Variants in TXNDC11 observed in about 807,000 individuals in gnomAD.
TXNDC11 encodes the protein thioredoxin domain-containing protein 11.
Under a neutral mutation model 78.0 loss-of-function variants are expected in TXNDC11, and 68 were observed. The ratio of observed to expected loss-of-function variants is 0.87; its 90% CI spans 0.72 to 1.07. The LOEUF is 1.07. Among genes scored for constraint, TXNDC11 ranks in the 50% least tolerant of loss-of-function variants. The pLI, the probability that TXNDC11 is intolerant of heterozygous loss-of-function variation, is 0.00. For synonymous variants in TXNDC11, 571 were observed against 495.2 expected, an observed-to-expected ratio of 1.15 and a Z score of -2.03; for missense variants, 1,389 against 1,221.8, an observed-to-expected ratio of 1.14 and a Z score of -2.04.
chr16:11,697,650 G>A (rs565857926), intron 7 of TXNDC11, among the ~76,000 whole-genome samples: 2 of 152,320 alleles, frequency 1.3e-5, no homozygotes, highest in Non-Finnish European at 2.9e-5. Context: ...GAAACAAGGT[G>A]TCCCAACATC....
intron 5 of TXNDC11, among the ~76,000 whole-genome samples, chr16:11,709,406 C>G (rs1428842736): frequency 7.0e-6 from 1 of 143,874 alleles, no homozygotes; most frequent in Non-Finnish European, 1.5e-5. Flanking sequence ...CACCACCATG[C>G]GTAGCTAATT....
intron 5 of TXNDC11, among the ~76,000 whole-genome samples, chr16:11,713,977 T>C (rs1406926176): frequency 6.6e-6 from 1 of 152,074 alleles, no homozygotes; most frequent in Admixed American, 6.5e-5. Flanking sequence ...CATCCTTGCT[T>C]GTCAGTCCCT....
Position 11,718,109 on chromosome 16 carries a change from C to T in TXNDC11, c.793+3468G>A, listed in dbSNP as rs189795739. On this transcript the variant is annotated intron_variant, in intron 5 of 11. Coordinates refer to ENST00000283033, the MANE Select transcript of TXNDC11 (RefSeq NM_015914.7). ...GAACCCGATCTTATAACCCAAGCCT[C>T]GCATGCTGGGGGCCAGGAATAAGCT... Among the ~76,000 whole-genome samples, 39 of 152,296 alleles carry T rather than the reference C, an allele frequency of 2.6e-4. No individual in the cohort carries two copies. In the East Asian group the frequency reaches 7.1e-3, roughly 28 times the overall value.
chr16:11,692,216 C>G lies in TXNDC11; in HGVS notation c.1108-134G>C, dbSNP rs940119297. On this transcript the variant is annotated intron_variant, in intron 7 of 11. Coordinates refer to ENST00000283033, the MANE Select transcript of TXNDC11 (RefSeq NM_015914.7). ...GTTCAAAAATACTAAATGGAAAATT[C>G]CAGAAATAAACAAGTCGTAAGTTTT... 3 of 708,832 alleles carry G rather than the reference C, an allele frequency of 4.2e-6. No homozygotes were observed. The African/African-American group carries it at 5.4e-5, about 13-fold the overall frequency. 43.9% of individuals were successfully genotyped at this position (708,832 alleles called of 1,614,324 possible).
chr16:11,714,205 T>A (rs2051454479), intron 5 of TXNDC11, among the ~76,000 whole-genome samples: 4 of 152,132 alleles, frequency 2.6e-5, no homozygotes, highest in Admixed American at 2.6e-4. Context: ...GTATTTTTTG[T>A]AGAGACGGGG....
In TXNDC11 at chr16:11,679,522, G is replaced by A. The variant is rs543362633; in HGVS notation, c.2550C>T (p.Ser850=). Residue 850 remains serine, a synonymous_variant, in exon 12 of 12, where the codon AGC becomes AGT. Coordinates refer to ENST00000283033, the MANE Select transcript of TXNDC11 (RefSeq NM_015914.7). This position sits in a 1 kb window ranked among gnomAD's most constrained non-coding sequence, Gnocchi z 4.6. The stretch of plus-strand genomic sequence containing the variant: ...GCTGCTCACTGTGTGCGTGGAGCAG[G>A]CTGTGCTGCTCTTCCAGGGCCCGCT... ...QQQRALEEQH[S]LLHAHSEQLQ... is the part of the protein sequence containing the mutation. 3 of 1,613,290 alleles carry A rather than the reference G, an allele frequency of 1.9e-6. No individual in the cohort carries two copies. Among genetic ancestry groups the A allele is most frequent in the Middle Eastern group, 1.7e-4 (1 of 6,054 alleles).
chr16:11,679,407 T>G lies in TXNDC11; in HGVS notation c.2665A>C (p.Thr889Pro). 6.2e-7 allele frequency: 1 copy of G among 1,613,148 alleles called. No individual in the cohort carries two copies. The highest frequency in any genetic ancestry group is 8.5e-7 in the Non-Finnish European group (1 of 1,179,706). ...ELADASENLL[T>P]ENTWLKILVA... is the part of the protein sequence containing the mutation. Reference sequence around the variant, plus strand: ...AGGATCTTGAGCCACGTGTTCTCGGTAAGGAGGTTTTCTGAGGCATCGGCC... The same window carrying G: ...AGGATCTTGAGCCACGTGTTCTCGGGAAGGAGGTTTTCTGAGGCATCGGCC... Residue 889 changes from threonine (T) to proline (P), a missense_variant, in exon 12 of 12, where the codon ACC becomes CCC. Coordinates refer to ENST00000283033, the MANE Select transcript of TXNDC11 (RefSeq NM_015914.7). The surrounding 1 kb of genome is among the most constrained non-coding windows in gnomAD (Gnocchi z 4.6).
intron 11 of TXNDC11, among the ~76,000 whole-genome samples, chr16:11,682,464 A>T (rs1248488258): frequency 6.6e-6 from 1 of 152,220 alleles, no homozygotes; most frequent in East Asian, 1.9e-4. Context: ...AGGCAGCCTA[A>T]GAACGAAGGT....
chr16:11,726,397 A>T (rs1202749413), intron 4 of TXNDC11, among the ~76,000 whole-genome samples: 1 of 152,026 alleles, frequency 6.6e-6, no homozygotes. Context: ...CCTAGCTAAC[A>T]AGGTGAAACT....
chr16:11,711,193 C>T (rs2051343476), intron 5 of TXNDC11, among the ~76,000 whole-genome samples: 1 of 152,200 alleles, frequency 6.6e-6, no homozygotes, highest in Non-Finnish European at 1.5e-5. Context: ...TGCTGCACCT[C>T]AGTAGAGCAG....
intron 1 of TXNDC11, among the ~76,000 whole-genome samples, chr16:11,737,443 C>T (rs1297518160): frequency 7.0e-6 from 1 of 142,788 alleles, no homozygotes; most frequent in Non-Finnish European, 1.5e-5. Context: ...AAAACTCCAT[C>T]TAAAAAAAAA....
chr16:11,710,276 C>T (rs1057442274), intron 5 of TXNDC11, among the ~76,000 whole-genome samples: 1 of 152,072 alleles, frequency 6.6e-6, no homozygotes, highest in Non-Finnish European at 1.5e-5. Context: ...ACCTCCTCCA[C>T]CCCATTTCAG....
At position 11,702,523 on chromosome 16, in the gene TXNDC11, C is replaced by T. The variant is rs140443436; in HGVS notation, c.794-1959G>A. Among the ~76,000 whole-genome samples, 923 of 152,072 alleles carry T rather than the reference C, an allele frequency of 6.1e-3. 13 individuals carry two copies. The highest frequency in any genetic ancestry group is 0.02 in the African/African-American group (838 of 41,484). On this transcript the variant is annotated intron_variant, in intron 5 of 11. Coordinates refer to ENST00000283033, the MANE Select transcript of TXNDC11 (RefSeq NM_015914.7). The stretch of plus-strand genomic sequence containing the variant: ...TCTCTACTAAAAATATAAAAATTAT[C>T]CGGGTGTGTTGTGGTGGGCACCTGT...
At chr16:11,722,480 G>C (rs1050103413) in intron 4 of TXNDC11, among the ~76,000 whole-genome samples, 1 of 152,170 alleles carries the variant, frequency 6.6e-6, no homozygotes, top group South Asian at 2.1e-4. Flanking sequence ...TGTAATAATC[G>C]TATCTGTCTT....
intron 10 of TXNDC11, 76 bp from the exon 11 acceptor site, chr16:11,684,321 C>T: frequency 9.2e-7 from 1 of 1,088,968 alleles, no homozygotes; most frequent in Non-Finnish European, 1.4e-6. Context: ...TCTCAGATAA[C>T]TTCAAGAACC....
At chr16:11,730,880 T>A in intron 3 of TXNDC11, 106 bp from the exon 4 acceptor site, 1 of 904,058 alleles carries the variant, frequency 1.1e-6, no homozygotes, top group Non-Finnish European at 1.5e-6. Flanking sequence ...AATGAAAGTG[T>A]CTTGCTTTGG....
intron 5 of TXNDC11, among the ~76,000 whole-genome samples, chr16:11,710,789 T>A (rs1428303539): frequency 1.3e-5 from 2 of 152,224 alleles, no homozygotes; most frequent in Non-Finnish European, 2.9e-5. Flanking sequence ...CACTCTAGCT[T>A]GGGCAACAGA....
chr16:11,715,462 CAAAA>C (rs34233338), intron 5 of TXNDC11, among the ~76,000 whole-genome samples: 46 of 135,132 alleles, frequency 3.4e-4, no homozygotes, highest in Non-Finnish European at 3.7e-4. Context: ...CCTGTCACGG[CAAAA>C]AAAAAAAAAA....
intron 4 of TXNDC11, among the ~76,000 whole-genome samples, chr16:11,722,370 C>T (rs571294981): frequency 2.0e-5 from 3 of 152,340 alleles, no homozygotes; most frequent in African/African-American, 7.2e-5. Context: ...TCTGCCAAAC[C>T]AATTAACTGT....
Sources: gnomAD v4.1 joint callset for allele counts (sites outside exome capture counted in the v4.1 genomes callset) on GRCh38, gnomAD v4.1.1 for gene constraint, Gnocchi (gnomAD v3.1) non-coding constraint, MANE v1.5 for transcripts, NCBI Gene and HGNC (gene_info 2026-07-23, HGNC 2026-07-21) for gene names.